CEP55: variants seen among roughly 807,000 people sequenced by gnomAD.
CEP55 encodes the protein centrosomal protein of 55 kDa.
CEP55 carries 57 observed loss-of-function variants against 63.2 expected under a neutral mutation model. The observed-to-expected ratio is 0.90, with a 90% CI of 0.73 to 1.13. CEP55 has a LOEUF of 1.13. CEP55 is among the 50% of genes most tolerant of loss of function. The pLI is 0.00. For missense variants in CEP55, 456 were observed against 518.9 expected, an observed-to-expected ratio of 0.88 and a Z score of 1.18; for synonymous variants, 178 against 191.6, an observed-to-expected ratio of 0.93 and a Z score of 0.59.
chr10:93,518,288 T>C (rs2057824377), intron 6 of CEP55, among the ~76,000 whole-genome samples: 1 of 152,168 alleles, frequency 6.6e-6, no homozygotes, highest in Non-Finnish European at 1.5e-5. Context: ...TAGCTGGGAT[T>C]ACAGGTGCCC....
chr10:93,508,059 G>A (rs1304855066), intron 4 of CEP55, among the ~76,000 whole-genome samples: 6 of 152,170 alleles, frequency 3.9e-5, no homozygotes, highest in African/African-American at 1.2e-4. Flanking sequence ...GTTTGCTTTC[G>A]TAGGTTGAAA....
intron 7 of CEP55, among the ~76,000 whole-genome samples, chr10:93,519,330 T>C (rs1417266525): frequency 6.6e-6 from 1 of 152,198 alleles, no homozygotes; most frequent in Non-Finnish European, 1.5e-5. Context: ...GTATTATAAA[T>C]GGTGTAAAGC....
intron 5 of CEP55, 64 bp downstream of exon 5, chr10:93,515,619 A>C (rs74790020): frequency 2.8e-6 from 4 of 1,449,506 alleles, no homozygotes; most frequent in Non-Finnish European, 3.7e-6. Flanking sequence ...GGAATGATTC[A>C]TCAAATTTAG....
intron 8 of CEP55, among the ~76,000 whole-genome samples, chr10:93,526,827 A>T (rs7076769): frequency 6.6e-6 from 1 of 152,006 alleles, no homozygotes; most frequent in Non-Finnish European, 1.5e-5. Context: ...GCAAACTATC[A>T]CAAGGACAAA....
In CEP55 at chr10:93,515,488, G is replaced by A. The variant is rs1717831322; in HGVS notation, c.612G>A (p.Glu204=). ...YVKGLLAKIF[E]LEKKTETAAH... is the part of the protein sequence containing the mutation. ...AAGGACTTTTAGCAAAGATCTTTGA[G>A]TTGGAAAAGAAAACGGAAACAGCTG... The change falls in exon 5 of 9, where the codon GAG becomes GAA. Residue 204 remains glutamate, a synonymous_variant. Transcript: ENST00000371485. The A allele has an allele frequency of 1.9e-6, 3 of 1,613,864 alleles. No individual in the cohort carries two copies. Among genetic ancestry groups the A allele is most frequent in the Non-Finnish European group, 2.5e-6 (3 of 1,179,788 alleles).
At chr10:93,510,983 G>A (rs967317850) in intron 4 of CEP55, among the ~76,000 whole-genome samples, 1 of 147,614 alleles carries the variant, frequency 6.8e-6, no homozygotes, top group Non-Finnish European at 1.5e-5. Context: ...CTGTCGCCGA[G>A]GCTGTAGTGC....
At chr10:93,512,247 G>A (rs192889128) in intron 4 of CEP55, among the ~76,000 whole-genome samples, 1,556 of 76,050 alleles carry the variant, frequency 0.02, 35 homozygotes, top group African/African-American at 0.067. Flanking sequence ...AAAATTGGCC[G>A]GGCTCAGTGG....
At chr10:93,497,994 C>T (rs1272380975) in intron 1 of CEP55, among the ~76,000 whole-genome samples, 2 of 152,034 alleles carry the variant, frequency 1.3e-5, no homozygotes, top group African/African-American at 4.8e-5. Flanking sequence ...TGGTGACGCG[C>T]ACCTGTAGTC....
intron 3 of CEP55, among the ~76,000 whole-genome samples, chr10:93,506,497 A>AT (rs1455790743): frequency 6.6e-6 from 1 of 151,964 alleles, no homozygotes; most frequent in Non-Finnish European, 1.5e-5. Flanking sequence ...GGGGATCTTA[A>AT]TTTTCACAAT....
chr10:93,516,768 G>A (rs2057807480), intron 5 of CEP55, among the ~76,000 whole-genome samples, 167 bp from the exon 6 acceptor site: 1 of 152,062 alleles, frequency 6.6e-6, no homozygotes. Flanking sequence ...TAGTATACCT[G>A]AACTTGTTTT....
At chr10:93,519,610 A>T in intron 7 of CEP55, 72 bp from the exon 8 acceptor site, 1 of 1,520,664 alleles carries the variant, frequency 6.6e-7, no homozygotes, top group Non-Finnish European at 8.9e-7. Flanking sequence ...TAATAAAAAA[A>T]TGTGAGCATC....
At chr10:93,516,904 G>T in intron 5 of CEP55, 31 bp from the exon 6 acceptor site, 1 of 1,390,050 alleles carries the variant, frequency 7.2e-7, no homozygotes. Context: ...ATTTTATAAA[G>T]TGAGTTGTGC....
chr10:93,500,836 T>C (rs973380864), intron 2 of CEP55, among the ~76,000 whole-genome samples: 1 of 151,884 alleles, frequency 6.6e-6, no homozygotes, highest in Non-Finnish European at 1.5e-5. Context: ...CATAACTCAC[T>C]GCAGCCTCAA....
intron 3 of CEP55, among the ~76,000 whole-genome samples, chr10:93,506,630 C>T (rs2057691246): frequency 6.6e-6 from 1 of 151,828 alleles, no homozygotes; most frequent in South Asian, 2.1e-4. Context: ...TGCAGTGGCG[C>T]AATCTCGGCT....
chr10:93,510,588 T>G lies in CEP55; in HGVS notation c.528+3532T>G, dbSNP rs565631298. ...AAACCCATATACTTCAATGTGTGTT[T>G]GTTCTCCCATCCAAGTACTAAACAG... On this transcript the variant is annotated intron_variant, in intron 4 of 8. Transcript: ENST00000371485. The G allele has an allele frequency of 3.3e-5, 5 of 152,216 alleles. No individual in the cohort carries two copies. In the South Asian group the frequency reaches 1.0e-3, roughly 31 times the overall value. 9.4% of individuals were successfully genotyped at this position (152,216 alleles called of 1,614,324 possible). A position where few individuals can be genotyped will look rare whatever the true frequency, so the allele number is the denominator to read the frequency against.
At chr10:93,506,892 T>C in intron 3 of CEP55, 96 bp from the exon 4 acceptor site, 1 of 833,558 alleles carries the variant, frequency 1.2e-6, no homozygotes, top group Non-Finnish European at 2.1e-6. Flanking sequence ...GATTTCGGGA[T>C]GCCCCCGTGA....
chr10:93,515,540 A>G lies in CEP55; in HGVS notation c.664A>G (p.Lys222Glu). The change falls in exon 5 of 9, where the codon AAG (lysine) becomes GAG (glutamate). Residue 222 changes from lysine to glutamate, a missense_variant. Physicochemically the swap from Lys to Glu is moderately conservative, Grantham distance 56. Transcript: ENST00000371485. The stretch of plus-strand genomic sequence containing the variant: ...TCATTCACTCCCACAGCAGACAAAA[A>G]AGCCTGAATCAGAAGGTACTGACTG... ...AAHSLPQQTK[K>E]PESEGYLQEE... The G allele has an allele frequency of 6.2e-7, 1 of 1,613,234 alleles. No homozygotes were observed. The highest frequency in any genetic ancestry group is 1.1e-5 in the South Asian group (1 of 91,048).
At chr10:93,510,892 A>G (rs1310070451) in intron 4 of CEP55, among the ~76,000 whole-genome samples, 1 of 146,246 alleles carries the variant, frequency 6.8e-6, no homozygotes, top group African/African-American at 2.5e-5. Flanking sequence ...TATTTAGTGG[A>G]TTCTTGTCAA....
chr10:93,504,175 A>G (rs575512769), intron 3 of CEP55, among the ~76,000 whole-genome samples: 3 of 152,284 alleles, frequency 2.0e-5, no homozygotes, highest in African/African-American at 7.2e-5. Flanking sequence ...TAATACTAAC[A>G]TTAATATCAT....
Sources: gnomAD v4.1 joint callset for allele counts (sites outside exome capture counted in the v4.1 genomes callset) on GRCh38, gnomAD v4.1.1 for gene constraint, MANE v1.5 for transcripts, NCBI Gene and HGNC (gene_info 2026-07-23, HGNC 2026-07-21) for gene names.